TBX5: variants seen among roughly 807,000 people sequenced by gnomAD.
TBX5 encodes T-box transcription factor 5, also known as T-box transcription factor TBX5.
A neutral mutation model predicts 51.1 loss-of-function variants in TBX5; 8 were observed. The observed-to-expected ratio is 0.16, with a 90% CI of 0.09 to 0.28. The LOEUF (loss-of-function observed/expected upper bound fraction) is 0.28. TBX5 is among the 10% of genes least tolerant of loss of function. The probability of loss-of-function intolerance (pLI) is 1.00; values close to 1 mark genes in which losing one functional copy is unlikely to be tolerated. For missense variants in TBX5, 589 were observed against 671.7 expected, an observed-to-expected ratio of 0.88 and a Z score of 1.36; for synonymous variants, 302 against 266.4, an observed-to-expected ratio of 1.13 and a Z score of -1.30.
At chr12:114,400,395 G>A (rs112546739) in intron 3 of TBX5, among the ~76,000 whole-genome samples, 2 of 152,248 alleles carry the variant, frequency 1.3e-5, no homozygotes, top group Non-Finnish European at 2.9e-5. Context: ...TTATCAAGCC[G>A]ATGGCCCGGA....
At chr12:114,400,762 C>G (rs1226421688) in intron 3 of TBX5, among the ~76,000 whole-genome samples, 2 of 152,182 alleles carry the variant, frequency 1.3e-5, no homozygotes, top group Non-Finnish European at 2.9e-5. Context: ...GACTGCAGTT[C>G]GTTGATATAA....
chr12:114,367,727 GAGA>G (rs1869630486), intron 7 of TBX5, among the ~76,000 whole-genome samples: 1 of 152,186 alleles, frequency 6.6e-6, no homozygotes, highest in South Asian at 2.1e-4. Context: ...AAGTATGTGA[GAGA>G]AGAAGAGCTT....
chr12:114,371,661 C>T (rs887109880), intron 7 of TBX5, among the ~76,000 whole-genome samples: 1 of 144,540 alleles, frequency 6.9e-6, no homozygotes, highest in African/African-American at 2.5e-5. Flanking sequence ...TAAAGCAGTG[C>T]ACTGGGGCAA....
At chr12:114,366,565 G>A (rs987370667) in intron 7 of TBX5, among the ~76,000 whole-genome samples, 174 bp from the exon 8 acceptor site, 3 of 152,164 alleles carry the variant, frequency 2.0e-5, no homozygotes, top group African/African-American at 7.2e-5. Context: ...TTTCACAAAT[G>A]TATATTTGGG....
rs1290533165 is a variant in TBX5, at chr12:114,370,269, AAAAGAAAAGAAAAGAAAAG to A, written c.756-3897_756-3879del. ...AAAAGAAAAGAAAAGAAAAGAAAAG[AAAAGAAAAGAAAAGAAAAG>A]AAAGAAAAGAAAAGAAAAGAAAAGA... On this transcript the variant is annotated intron_variant, in intron 7 of 8. Coordinates refer to ENST00000405440, the MANE Select transcript of TBX5 (RefSeq NM_181486.4). Among the ~76,000 whole-genome samples the A allele has an allele frequency of 6.5e-3, 456 of 70,444 alleles. 7 individuals are homozygous for A. Among genetic ancestry groups the A allele is most frequent in the African/African-American group, 0.012 (300 of 25,588 alleles). The allele number at this position is 70,444 out of a possible 152,430, so 46.2% of individuals were successfully genotyped here. A position where few individuals can be genotyped will look rare whatever the true frequency, so the allele number is the denominator to read the frequency against.
chr12:114,402,478 A>C (rs1049868331), intron 2 of TBX5, among the ~76,000 whole-genome samples: 1 of 152,234 alleles, frequency 6.6e-6, no homozygotes, highest in Middle Eastern at 3.2e-3. Context: ...TGGTGAGTGC[A>C]AACCTGAACA....
intron 7 of TBX5, among the ~76,000 whole-genome samples, chr12:114,383,180 T>G (rs140887194): frequency 6.6e-6 from 1 of 152,080 alleles, no homozygotes; most frequent in East Asian, 1.9e-4. Context: ...GAGGGGCTGA[T>G]TCCCAGGAGG....
intron 8 of TBX5, among the ~76,000 whole-genome samples, chr12:114,361,297 A>G (rs1184780247): frequency 1.3e-5 from 2 of 152,154 alleles, no homozygotes; most frequent in African/African-American, 2.4e-5. Flanking sequence ...CACTCAGAAA[A>G]TGCACCCTGC....
intron 5 of TBX5, among the ~76,000 whole-genome samples, chr12:114,396,851 G>A (rs1871462244): frequency 6.6e-6 from 1 of 152,164 alleles, no homozygotes; most frequent in African/African-American, 2.4e-5. Flanking sequence ...TACACAAGCT[G>A]AATTTACAGA....
intron 7 of TBX5, among the ~76,000 whole-genome samples, chr12:114,375,254 G>A (rs960265655): frequency 3.3e-5 from 5 of 152,148 alleles, no homozygotes; most frequent in African/African-American, 1.2e-4. Flanking sequence ...GTGTGACCAG[G>A]GGACACCTCC....
At chr12:114,365,168 ATGTG>A (rs10536626) in intron 8 of TBX5, among the ~76,000 whole-genome samples, 58,594 of 147,336 alleles carry the variant, frequency 0.4, 12,173 homozygotes, top group Non-Finnish European at 0.46. Context: ...ATCATTTGTG[ATGTG>A]TGTGTGTGTG....
intron 8 of TBX5, among the ~76,000 whole-genome samples, chr12:114,357,212 T>C (rs967530602): frequency 1.3e-5 from 2 of 152,194 alleles, no homozygotes; most frequent in African/African-American, 2.4e-5. Flanking sequence ...TTTCCTAGTG[T>C]AGGGAAGTGG....
At chr12:114,358,153 C>A (rs1205508707) in intron 8 of TBX5, among the ~76,000 whole-genome samples, 1 of 152,216 alleles carries the variant, frequency 6.6e-6, no homozygotes, top group East Asian at 1.9e-4. Flanking sequence ...TTGCTTCCAA[C>A]TCTCTAGATT....
chr12:114,391,553 T>C (rs991186485), intron 6 of TBX5, among the ~76,000 whole-genome samples: 72 of 152,316 alleles, frequency 4.7e-4, no homozygotes, highest in African/African-American at 1.3e-3. Flanking sequence ...AACAACACTA[T>C]GAGGTGAGTT....
rs1565929452 is a variant in TBX5 at position 114,370,307 on chromosome 12, G to GAAAA, written c.756-3920_756-3917dup. On this transcript the variant is annotated intron_variant, in intron 7 of 8. Coordinates refer to ENST00000405440, the MANE Select transcript of TBX5 (RefSeq NM_181486.4). ...AGAAAAGAAAGAAAAGAAAAGAAAA[G>GAAAA]AAAAGAAAGAAAAGAAAAGAAAAGA... 1.4e-5 allele frequency among the ~76,000 whole-genome samples: 2 copies of GAAAA among 140,362 alleles called. 1 individual carries two copies. 92.1% of individuals were successfully genotyped at this position (140,362 alleles called of 152,430 possible).
rs1868844157 is a variant in TBX5, at chr12:114,355,627, G to C, written c.1462C>G (p.Leu488Val). 6.2e-7 allele frequency: 1 copy of C among 1,614,058 alleles called. No homozygotes were observed. The highest frequency in any genetic ancestry group is 1.3e-5 in the African/African-American group (1 of 74,928). ...SPGTLQPPEF[L>V]YSHGVPRTLS... ...GTCCTTGGCACGCCATGAGAGTAGA[G>C]GAACTCAGGGGGCTGAAGGGTGCCA... The change falls in exon 9 of 9, where the codon CTC becomes GTC. Residue 488 changes from leucine (L) to valine (V), a missense_variant. Leu to Val is a conservative substitution (Grantham distance 32). Coordinates refer to ENST00000405440, the MANE Select transcript of TBX5 (RefSeq NM_181486.4).
chr12:114,404,319 A>G (rs988232096), intron 1 of TBX5, among the ~76,000 whole-genome samples: 14 of 152,126 alleles, frequency 9.2e-5, no homozygotes, highest in Non-Finnish European at 2.9e-5. Flanking sequence ...CTGGGTAGGA[A>G]CCAAAAACAA....
chr12:114,365,915 T>C (rs942307368), intron 8 of TBX5, among the ~76,000 whole-genome samples: 1 of 151,606 alleles, frequency 6.6e-6, no homozygotes, highest in African/African-American at 2.4e-5. Context: ...CATAAATGAA[T>C]ACAATAGGTC....
chr12:114,358,777 TTTTGTTTGTTTGTTTG>T (rs34419380), intron 8 of TBX5, among the ~76,000 whole-genome samples: 1 of 150,584 alleles, frequency 6.6e-6, no homozygotes. Context: ...GCGGGGTTTT[TTTTGTTTGTTTGTTTG>T]TTTGTTTGTT....
Sources: gnomAD v4.1 joint callset for allele counts (sites outside exome capture counted in the v4.1 genomes callset) on GRCh38, gnomAD v4.1.1 for gene constraint, MANE v1.5 for transcripts, NCBI Gene and HGNC (gene_info 2026-07-23, HGNC 2026-07-21) for gene names.